SUGP2: variants seen among roughly 807,000 people sequenced by gnomAD.
SUGP2 encodes SURP and G-patch domain containing 2.
In SUGP2, 24 loss-of-function variants were observed where a neutral mutation model predicts 90.5. The ratio of observed to expected loss-of-function variants is 0.27; its 90% confidence interval spans 0.19 to 0.37. The LOEUF is 0.37. SUGP2 is among the 10% of genes least tolerant of loss of function. The pLI, the probability that SUGP2 is intolerant of heterozygous loss-of-function variation, is 1.00. For synonymous variants in SUGP2, 473 were observed against 513.4 expected (o/e 0.92, Z 1.06); for missense variants, 1,233 against 1,363.3 (o/e 0.90, Z 1.51).
chr19:18,994,728 G>A lies in SUGP2; in HGVS notation c.3129-242C>T. On this transcript the variant is annotated intron_variant, in intron 9 of 10. Coordinates refer to ENST00000452918, the MANE Select transcript of SUGP2 (RefSeq NM_001017392.5). ...TACCTCGGAATGCCTTACCCAGCAG[G>A]AACTAAGCTCAGTATTAAATGAAAT... The A allele has an allele frequency of 5.3e-6, 3 of 563,766 alleles. No homozygotes were observed. The South Asian group carries it at 6.5e-5, about 12-fold the overall frequency. The allele number at this position is 563,766 out of a possible 1,614,324, so 34.9% of individuals were successfully genotyped here. A position where few individuals can be genotyped will look rare whatever the true frequency, so the allele number is the denominator to read the frequency against.
At chr19:19,009,572 C>T (rs10411413) in intron 5 of SUGP2, among the ~76,000 whole-genome samples, 3,502 of 152,242 alleles carry the variant, frequency 0.023, 129 homozygotes, top group African/African-American at 0.08. Context: ...GCACCGCCCA[C>T]GGCCCCAGCA....
chr19:19,012,351 C>T (rs1302609700), intron 4 of SUGP2, among the ~76,000 whole-genome samples: 1 of 152,208 alleles, frequency 6.6e-6, no homozygotes, highest in East Asian at 1.9e-4. Context: ...AGAATCAGGG[C>T]CAGGTGACCT....
intron 6 of SUGP2, among the ~76,000 whole-genome samples, chr19:19,006,402 A>G (rs1037058697): frequency 1.8e-4 from 27 of 152,208 alleles, no homozygotes; most frequent in African/African-American, 6.0e-4. Flanking sequence ...CACCTTGCCC[A>G]GTATTGTGGT....
chr19:18,997,131 C>A (rs776156382), intron 8 of SUGP2, among the ~76,000 whole-genome samples: 2 of 152,040 alleles, frequency 1.3e-5, no homozygotes, highest in Admixed American at 6.6e-5. Flanking sequence ...GCAGGCCTCA[C>A]GAGGTATAAT....
intron 3 of SUGP2, among the ~76,000 whole-genome samples, chr19:19,020,493 G>T (rs1185641347): frequency 6.7e-6 from 1 of 150,166 alleles, no homozygotes; most frequent in African/African-American, 2.4e-5. Context: ...GCCCAGGCTG[G>T]AGTGCAGTGG....
chr19:19,006,144 CGA>C (rs1431851759), intron 6 of SUGP2, among the ~76,000 whole-genome samples: 5 of 151,852 alleles, frequency 3.3e-5, no homozygotes, highest in African/African-American at 1.2e-4. Context: ...CGCTTGAACC[CGA>C]GAGGCGGAGG....
rs548145593 is a variant in SUGP2 at position 19,017,863 on chromosome 19, G to A, written c.1850+1246C>T. Among the ~76,000 whole-genome samples the A allele has an allele frequency of 2.6e-5, 4 of 151,628 alleles. No individual in the cohort carries two copies. In the South Asian group the frequency reaches 8.3e-4, roughly 31 times the overall value. ...ATGAGCTTTAACCCAGCAGTTTCAC[G>A]CCCAGATATCATAATAAACTGCCAG... On this transcript the variant is annotated intron_variant, in intron 4 of 10. Transcript: ENST00000452918.
At chr19:19,002,559 G>T (rs564988435) in intron 7 of SUGP2, among the ~76,000 whole-genome samples, 2 of 130,966 alleles carry the variant, frequency 1.5e-5, no homozygotes, top group Admixed American at 1.9e-4. Flanking sequence ...TGTTGCCCAG[G>T]CTGGAGTGCA....
chr19:18,994,338 G>A (rs752187193), intron 10 of SUGP2, 28 bp downstream of exon 10: 12 of 1,604,982 alleles, frequency 7.5e-6, no homozygotes, highest in African/African-American at 1.3e-5. Flanking sequence ...GAGGGCAGAC[G>A]GCCTTACACA....
intron 10 of SUGP2, chr19:18,994,136 C>T (rs531235149): frequency 2.0e-6 from 1 of 496,846 alleles, no homozygotes; most frequent in East Asian, 3.9e-5. Context: ...AGGCCATGCG[C>T]ATCTGCCCTT....
Position 19,010,236 on chromosome 19 carries a change from A to C in SUGP2, c.1957T>G (p.Ser653Ala), listed in dbSNP as rs1228664874. The C allele has an allele frequency of 6.2e-7, 1 of 1,613,982 alleles. No homozygotes were observed. The highest frequency in any genetic ancestry group is 8.5e-7 in the Non-Finnish European group (1 of 1,180,000). Residue 653 changes from serine to alanine, a missense_variant, in exon 5 of 11, where the codon TCA becomes GCA. Ser to Ala is a moderately conservative substitution (Grantham distance 99). Coordinates refer to ENST00000452918, the MANE Select transcript of SUGP2 (RefSeq NM_001017392.5). ...ATGGCCCTCACTGCACAGTCTGCTG[A>C]GGTCGGCTTCTGGTCGGCTCCTCGC... is the stretch of plus-strand genomic sequence containing the variant. ...NLRGADQKPT[S>A]ADCAVRAMLY...
At chr19:19,029,099 C>T (rs1167846565) in intron 2 of SUGP2, among the ~76,000 whole-genome samples, 1 of 152,166 alleles carries the variant, frequency 6.6e-6, no homozygotes, top group South Asian at 2.1e-4. Context: ...CTGCCTCAGC[C>T]TCCCAAGTAG....
chr19:18,994,513 G>A (rs2145220540), intron 9 of SUGP2, 27 bp from the exon 10 acceptor site: 1 of 1,612,252 alleles, frequency 6.2e-7, no homozygotes, highest in Non-Finnish European at 8.5e-7. Flanking sequence ...AGAGTCAGTT[G>A]TGCACCTGAG....
In SUGP2 at chr19:18,991,027, C is replaced by G. The variant is rs1232637154; in HGVS notation, c.*2714G>C. 2 of 152,120 alleles carry G rather than the reference C, an allele frequency of 1.3e-5. No individual in the cohort carries two copies. Among genetic ancestry groups the G allele is most frequent in the Non-Finnish European group, 2.9e-5 (2 of 68,030 alleles). The allele number at this position is 152,120 out of a possible 1,614,324, so 9.4% of individuals were successfully genotyped here. Reference sequence around the variant, plus strand: ...ATGTCTTCTAGGCTTTATCAAGGACCAAAAACACTACAATTCTCTAAGTGA... The same window carrying G: ...ATGTCTTCTAGGCTTTATCAAGGACGAAAAACACTACAATTCTCTAAGTGA... On this transcript the variant is annotated 3_prime_UTR_variant, in exon 11 of 11. Transcript: ENST00000452918.
chr19:19,025,379 A>G lies in SUGP2; in HGVS notation c.969T>C (p.Asp323=), dbSNP rs368152414. Residue 323 remains aspartate, a synonymous_variant, in exon 3 of 11, where the codon GAT becomes GAC. Transcript: ENST00000452918. ...KMSFDIIDKS[D]VFSRFGIEII... ...TTTCTATCCCAAATCTTGAAAAAAC[A>G]TCAGACTTATCTATGATGTCAAAGC... is the stretch of plus-strand genomic sequence containing the variant. 6.2e-7 allele frequency: 1 copy of G among 1,614,178 alleles called. No homozygotes were observed. The highest frequency in any genetic ancestry group is 8.5e-7 in the Non-Finnish European group (1 of 1,180,028).
At chr19:19,005,810 G>A (rs1210867545) in intron 6 of SUGP2, among the ~76,000 whole-genome samples, 2 of 149,184 alleles carry the variant, frequency 1.3e-5, no homozygotes, top group African/African-American at 5.0e-5. Context: ...AAGTAGTTAG[G>A]ACCACAGGCA....
rs202004163 is a variant in SUGP2 at position 19,004,375 on chromosome 19, C to T, written c.2722G>A (p.Ala908Thr). 7.9e-5 allele frequency: 127 copies of T among 1,613,760 alleles called. No individual in the cohort carries two copies. In the South Asian group the frequency reaches 1.2e-3, roughly 15 times the overall value. ...TCAGACTTGCCCGCCCCTCCAGGAG[C>T]GGGGGCCTCCTCTCCCCCATCCTCA... ...DDEDGGEEAP[A>T]PGGAGKSEGS... Residue 908 changes from alanine (A) to threonine (T), a missense_variant, in exon 7 of 11, where the codon GCT becomes ACT. Around this residue, in one of 8 missense-constraint regions of SUGP2, gnomAD observed 540 missense variants for 542.6 expected, o/e 1.00. Coordinates refer to ENST00000452918, the MANE Select transcript of SUGP2 (RefSeq NM_001017392.5).
Position 19,019,239 on chromosome 19 carries a change from A to C in SUGP2, c.1730-10T>G. On this transcript the variant is annotated splice_polypyrimidine_tract_variant and intron_variant, in intron 3 of 10. Transcript: ENST00000452918. ...GCTCGCTGGGGGACAGCTGGAACAC[A>C]CAGAACAGCTTCTCTGAGAAATATG... 1 of 1,608,718 alleles carries C rather than the reference A, an allele frequency of 6.2e-7. No individual in the cohort carries two copies. Among genetic ancestry groups the C allele is most frequent in the Non-Finnish European group, 8.5e-7 (1 of 1,175,720 alleles).
intron 2 of SUGP2, among the ~76,000 whole-genome samples, chr19:19,026,532 T>G (rs993724063): frequency 3.3e-5 from 5 of 152,286 alleles, no homozygotes; most frequent in Admixed American, 1.3e-4. Context: ...CTCTCTAAGT[T>G]GGCACCAACA....
Sources: allele counts gnomAD v4.1 joint callset (sites outside exome capture counted in the v4.1 genomes callset), GRCh38; gene constraint gnomAD v4.1.1; regional missense constraint gnomAD v4.1.1; transcripts MANE v1.5; gene names NCBI Gene and HGNC (gene_info 2026-07-23, HGNC 2026-07-21).